Variants in GMDS observed in about 807,000 individuals in gnomAD.
The protein encoded by GMDS is GDP-mannose 4,6 dehydratase.
A neutral mutation model predicts 49.9 loss-of-function variants in GMDS; 20 were observed. That is an observed-to-expected ratio of 0.40 (90% confidence interval 0.28 to 0.58). The LOEUF (loss-of-function observed/expected upper bound fraction) is 0.58. GMDS is among the 20% of genes least tolerant of loss of function. GMDS has a pLI of 0.42. For missense variants in GMDS, 362 were observed against 481.4 expected (o/e 0.75, Z 2.32); for synonymous variants, 177 against 178.6 (o/e 0.99, Z 0.07).
chr6:1,845,297 G>A (rs906944652), intron 7 of GMDS, among the ~76,000 whole-genome samples: 3 of 152,176 alleles, frequency 2.0e-5, no homozygotes, highest in Non-Finnish European at 2.9e-5. Flanking sequence ...CACGGTCATA[G>A]TTTATTATCC....
At chr6:1,708,646 A>G (rs1765829407) in intron 9 of GMDS, among the ~76,000 whole-genome samples, 1 of 152,232 alleles carries the variant, frequency 6.6e-6, no homozygotes, top group South Asian at 2.1e-4. Flanking sequence ...CTGGTAGAAT[A>G]TTCCTTTTGA....
chr6:1,853,601 C>G (rs891595983), intron 7 of GMDS, among the ~76,000 whole-genome samples: 4 of 150,732 alleles, frequency 2.7e-5, no homozygotes, highest in African/African-American at 9.8e-5. Context: ...TCTGGACAAC[C>G]ACGTGTACAG....
In GMDS at chr6:2,077,446, GTA is replaced by G. The variant is rs547248431; in HGVS notation, c.345+38323_345+38324del. 4.8e-3 allele frequency among the ~76,000 whole-genome samples: 729 copies of G among 151,980 alleles called. 9 individuals are homozygous for G. Among genetic ancestry groups the G allele is most frequent in the African/African-American group, 0.017 (691 of 41,466 alleles). The stretch of plus-strand genomic sequence containing the variant: ...CATATATGTCCTTTATGATTTTGAG[GTA>G]TGTTTCTTCTATGCCATATTTGCTG... On this transcript the variant is annotated intron_variant, in intron 4 of 10. Coordinates refer to ENST00000380815, the MANE Select transcript of GMDS (RefSeq NM_001500.4).
chr6:1,843,109 C>CAAATAAAATAAAATAAAATA (rs10629924), intron 7 of GMDS, among the ~76,000 whole-genome samples: 1,400 of 137,148 alleles, frequency 0.01, 17 homozygotes, highest in South Asian at 0.021. Flanking sequence ...GACCCTGCAT[C>CAAATAAAATAAAATAAAATA]AAATAAAATA....
chr6:1,759,425 C>T (rs958742826), intron 7 of GMDS, among the ~76,000 whole-genome samples: 3 of 152,216 alleles, frequency 2.0e-5, no homozygotes, highest in Non-Finnish European at 4.4e-5. Flanking sequence ...TTCCTGTATT[C>T]TTGCGACTGC....
chr6:1,770,014 C>A (rs1287919821), intron 7 of GMDS, among the ~76,000 whole-genome samples: 1 of 152,208 alleles, frequency 6.6e-6, no homozygotes, highest in Non-Finnish European at 1.5e-5. Flanking sequence ...GTGTGAGCCA[C>A]CGCACCCAGC....
Position 1,635,352 on chromosome 6 carries a change from G to A in GMDS, c.988-10812C>T, listed in dbSNP as rs1581393450. ...TGGTCCACGGGACAGGCGAGGAAAG[G>A]GTTAAGGCAAGCTGTGTCCACTGCG... On this transcript the variant is annotated intron_variant, in intron 9 of 10. Coordinates refer to ENST00000380815, the MANE Select transcript of GMDS (RefSeq NM_001500.4). This position sits in a 1 kb window ranked among gnomAD's most constrained non-coding sequence, Gnocchi z 4.7. 6.6e-6 allele frequency among the ~76,000 whole-genome samples: 1 copy of A among 152,178 alleles called. No homozygotes were observed. The highest frequency in any genetic ancestry group is 6.5e-5 in the Admixed American group (1 of 15,284).
At chr6:2,092,515 T>C (rs1773376180) in intron 4 of GMDS, among the ~76,000 whole-genome samples, 1 of 152,210 alleles carries the variant, frequency 6.6e-6, no homozygotes, top group Admixed American at 6.5e-5. Context: ...ATATTCTTGG[T>C]AAATGTGTTG....
chr6:1,762,124 A>G (rs1768184408), intron 7 of GMDS, among the ~76,000 whole-genome samples: 1 of 152,254 alleles, frequency 6.6e-6, no homozygotes, highest in Non-Finnish European at 1.5e-5. Flanking sequence ...TATGCCTTTC[A>G]GCATCATCTC....
chr6:1,866,890 T>G (rs572651130), intron 7 of GMDS, among the ~76,000 whole-genome samples: 2 of 152,372 alleles, frequency 1.3e-5, no homozygotes, highest in East Asian at 3.9e-4. Context: ...GAGAATCATC[T>G]GACACACACC....
chr6:2,194,025 A>G (rs1212017430), intron 1 of GMDS, among the ~76,000 whole-genome samples: 3 of 137,476 alleles, frequency 2.2e-5, no homozygotes, highest in African/African-American at 9.7e-5. Flanking sequence ...CCAGCCAAAA[A>G]TGCTATTTTT....
intron 4 of GMDS, among the ~76,000 whole-genome samples, chr6:1,995,436 T>G (rs1395124069): frequency 1.3e-5 from 2 of 152,248 alleles, no homozygotes; most frequent in African/African-American, 4.8e-5. Context: ...CACTTAGGGA[T>G]TCTATCAAAA....
intron 1 of GMDS, among the ~76,000 whole-genome samples, chr6:2,156,011 T>C (rs1006245811): frequency 4.6e-5 from 7 of 152,148 alleles, no homozygotes; most frequent in Admixed American, 6.5e-5. Context: ...TTTATTAGAC[T>C]TGACTATTAG....
At chr6:1,685,793 C>G (rs1278343757) in intron 9 of GMDS, among the ~76,000 whole-genome samples, 1 of 152,098 alleles carries the variant, frequency 6.6e-6, no homozygotes, top group Admixed American at 6.5e-5. Flanking sequence ...TTTTCCCAAT[C>G]AAGTTGGGGA....
intron 1 of GMDS, among the ~76,000 whole-genome samples, chr6:2,174,441 A>T (rs903381827): frequency 4.6e-5 from 7 of 152,184 alleles, no homozygotes; most frequent in African/African-American, 1.7e-4. Flanking sequence ...TAAATCAAGG[A>T]TAAAGACCAT....
intron 7 of GMDS, among the ~76,000 whole-genome samples, chr6:1,799,835 C>T (rs999120246): frequency 5.9e-5 from 9 of 152,170 alleles, no homozygotes; most frequent in Admixed American, 2.6e-4. Context: ...TTTGGGACTC[C>T]CTCTCTGAAC....
chr6:2,135,650 G>A (rs1581697423), intron 1 of GMDS, among the ~76,000 whole-genome samples: 1 of 151,954 alleles, frequency 6.6e-6, no homozygotes, highest in Non-Finnish European at 1.5e-5. Context: ...CATTAATGCC[G>A]ACATTCATTC....
chr6:2,229,528 G>A (rs1165294166), intron 1 of GMDS, among the ~76,000 whole-genome samples: 1 of 152,106 alleles, frequency 6.6e-6, no homozygotes, highest in East Asian at 1.9e-4. Context: ...CCAGGCTGCG[G>A]TAAGCAAAGA....
intron 4 of GMDS, among the ~76,000 whole-genome samples, chr6:2,093,789 A>C (rs1475302851): frequency 6.6e-6 from 1 of 152,142 alleles, no homozygotes; most frequent in Non-Finnish European, 1.5e-5. Flanking sequence ...CAAAAAAAAA[A>C]AGAAAAAAAC....
Sources: gnomAD v4.1 joint callset for allele counts (sites outside exome capture counted in the v4.1 genomes callset) on GRCh38, gnomAD v4.1.1 for gene constraint, Gnocchi (gnomAD v3.1) non-coding constraint, MANE v1.5 for transcripts, NCBI Gene and HGNC (gene_info 2026-07-23, HGNC 2026-07-21) for gene names.